Variants in PTPRD observed in about 807,000 individuals in gnomAD.
PTPRD encodes the protein receptor-type tyrosine-protein phosphatase delta.
Under a neutral mutation model 214.5 loss-of-function variants are expected in PTPRD, and 34 were observed. The ratio of observed to expected loss-of-function variants is 0.16; its 90% CI spans 0.12 to 0.21. The LOEUF (loss-of-function observed/expected upper bound fraction) is 0.21, where lower values mean the gene tolerates loss of function less well. PTPRD is among the 10% of genes least tolerant of loss of function. The pLI is 1.00. For synonymous variants in PTPRD, 1,128 were observed against 845.7 expected (o/e 1.33, Z -5.79); for missense variants, 2,545 against 2,398.7 (o/e 1.06, Z -1.27).
intron 11 of PTPRD, among the ~76,000 whole-genome samples, chr9:8,832,332 T>C (rs1380861243): frequency 6.6e-6 from 1 of 150,562 alleles, no homozygotes; most frequent in Admixed American, 6.6e-5. Flanking sequence ...TGACAGTGGG[T>C]AACAGTGTAT....
chr9:10,229,043 A>G (rs12000398), intron 3 of PTPRD, among the ~76,000 whole-genome samples: 20,185 of 151,920 alleles, frequency 0.13, 1,411 homozygotes, highest in African/African-American at 0.14. Context: ...AACAACAACC[A>G]GTTGTAAGCA....
chr9:8,908,870 C>G (rs2098726800), intron 11 of PTPRD, among the ~76,000 whole-genome samples: 1 of 151,066 alleles, frequency 6.6e-6, no homozygotes, highest in African/African-American at 2.4e-5. Context: ...CTAAAATCAA[C>G]TACAGAAAGA....
chr9:9,734,134 A>C (rs1381865551), intron 7 of PTPRD, among the ~76,000 whole-genome samples: 1 of 152,084 alleles, frequency 6.6e-6, no homozygotes, highest in African/African-American at 2.4e-5. Context: ...TTAAACACCC[A>C]ATTTTTGTGT....
intron 9 of PTPRD, among the ~76,000 whole-genome samples, chr9:9,202,862 C>CT (rs2132374637): frequency 6.6e-6 from 1 of 152,244 alleles, no homozygotes; most frequent in East Asian, 1.9e-4. Context: ...TCTAACTGTT[C>CT]TTTAGTCCGC....
chr9:8,499,705 T>C lies in PTPRD; in HGVS notation c.2264A>G (p.Glu755Gly), dbSNP rs1352576127. The C allele has an allele frequency of 6.2e-7, 1 of 1,614,012 alleles. No homozygotes were observed. Among genetic ancestry groups the C allele is most frequent in the Non-Finnish European group, 8.5e-7 (1 of 1,179,996 alleles). Reference sequence around the variant, plus strand: ...GGGCTGGCCCTTGGGCTCACCATTTTCCATCCTCACATAATGCACCTGATA... The same window carrying C: ...GGGCTGGCCCTTGGGCTCACCATTTCCCATCCTCACATAATGCACCTGATA... ...RGYQVHYVRM[E>G]NGEPKGQPML... The change falls in exon 25 of 46, where the codon GAA (glutamate) becomes GGA (glycine). Residue 755 changes from glutamate to glycine, a missense_variant. By Grantham distance (98) the Glu-to-Gly change is moderately conservative. Transcript: ENST00000381196.
At chr9:10,328,564 G>A (rs966078679) in intron 3 of PTPRD, among the ~76,000 whole-genome samples, 13 of 151,864 alleles carry the variant, frequency 8.6e-5, no homozygotes, top group Non-Finnish European at 1.3e-4. Context: ...TCCAGAAATC[G>A]ATTCAACATA....
chr9:8,554,025 A>G (rs1402458159), intron 14 of PTPRD, among the ~76,000 whole-genome samples: 1 of 152,130 alleles, frequency 6.6e-6, no homozygotes, highest in African/African-American at 2.4e-5. Flanking sequence ...TCTCTCTACT[A>G]AAGATACAAA....
At chr9:8,935,570 C>A (rs569549917) in intron 11 of PTPRD, among the ~76,000 whole-genome samples, 1 of 152,032 alleles carries the variant, frequency 6.6e-6, no homozygotes, top group Non-Finnish European at 1.5e-5. Context: ...AAATAGATCC[C>A]GAGGAAGCCT....
At chr9:8,679,175 G>A (rs558605226) in intron 12 of PTPRD, among the ~76,000 whole-genome samples, 3 of 152,282 alleles carry the variant, frequency 2.0e-5, no homozygotes, top group South Asian at 4.1e-4. Flanking sequence ...GCTTCCTACT[G>A]AATTTCTGGA....
At position 9,906,087 on chromosome 9, in the gene PTPRD, G is replaced by A. The variant is rs374321121; in HGVS notation, c.-368+32420C>T. ...AATAGAAAAAATACAGGATGCCTGC[G>A]AGGCAAACTCCTGGAGTTTTGTGCA... On this transcript the variant is annotated intron_variant, in intron 5 of 45. Coordinates refer to ENST00000381196, the MANE Select transcript of PTPRD (RefSeq NM_002839.4). Among the ~76,000 whole-genome samples, 41 of 152,066 alleles carry A rather than the reference G, an allele frequency of 2.7e-4. 1 individual carries two copies. In the South Asian group the frequency reaches 6.6e-3, roughly 25 times the overall value.
chr9:8,428,261 G>A (rs1326464381), intron 35 of PTPRD, among the ~76,000 whole-genome samples: 3 of 152,122 alleles, frequency 2.0e-5, no homozygotes, highest in Admixed American at 6.6e-5. Context: ...TGTTCGTAAG[G>A]AATTGGGCAA....
intron 10 of PTPRD, among the ~76,000 whole-genome samples, chr9:9,121,532 G>T (rs930373734): frequency 6.6e-6 from 1 of 152,162 alleles, no homozygotes; most frequent in Non-Finnish European, 1.5e-5. Context: ...TGACCTGGAT[G>T]AGTTTAGAGA....
At chr9:9,454,663 G>A (rs1443960864) in intron 8 of PTPRD, among the ~76,000 whole-genome samples, 3 of 151,574 alleles carry the variant, frequency 2.0e-5, no homozygotes, top group Non-Finnish European at 3.0e-5. Flanking sequence ...AACTGTAACT[G>A]TAAATTACAT....
rs2132389513 is a variant in PTPRD, at chr9:8,340,609, TTAAA to T, written c.5127-144_5127-141del. 4 of 841,882 alleles carry T rather than the reference TTAAA, an allele frequency of 4.8e-6. No homozygotes were observed. In the South Asian group the frequency reaches 1.6e-4, roughly 33 times the overall value. The allele number at this position is 841,882 out of a possible 1,614,324, so 52.2% of individuals were successfully genotyped here. ...CAATTGAGGTAAATTCCTGCTAAGATTAAATAATCAAATAAGAGCATTTAATACA... is the reference window on the plus strand; with the variant it reads ...CAATTGAGGTAAATTCCTGCTAAGATTAATCAAATAAGAGCATTTAATACA... On this transcript the variant is annotated intron_variant, in intron 41 of 45. Transcript: ENST00000381196.
chr9:10,100,380 C>T (rs760932721), intron 3 of PTPRD, among the ~76,000 whole-genome samples: 11 of 151,614 alleles, frequency 7.3e-5, no homozygotes, highest in Non-Finnish European at 1.3e-4. Context: ...GGAATTTGAA[C>T]CAAAGCAGTC....
At chr9:9,595,969 TA>T (rs1411566074) in intron 7 of PTPRD, among the ~76,000 whole-genome samples, 1 of 151,952 alleles carries the variant, frequency 6.6e-6, no homozygotes, top group Non-Finnish European at 1.5e-5. Context: ...AAAAATAAAT[TA>T]AATATTCCTA....
intron 7 of PTPRD, among the ~76,000 whole-genome samples, chr9:9,628,173 A>AT (rs1192541767): frequency 3.9e-5 from 6 of 152,064 alleles, no homozygotes; most frequent in Non-Finnish European, 8.8e-5. Flanking sequence ...AGCTGACACT[A>AT]TTTCTTAATT....
Position 8,456,318 on chromosome 9 carries a change from G to A in PTPRD, c.3875+4093C>T, listed in dbSNP as rs565719587. Among the ~76,000 whole-genome samples the A allele has an allele frequency of 9.9e-5, 15 of 152,190 alleles. No homozygotes were observed. The South Asian group carries it at 1.7e-3, about 17-fold the overall frequency. On this transcript the variant is annotated intron_variant, in intron 33 of 45. Transcript: ENST00000381196. ...AGGAAAAGTGATCCTAAAGCAGCCCGAACTGCTAGAGAGGGGAGGAGAAGA... is the reference window on the plus strand; with the variant it reads ...AGGAAAAGTGATCCTAAAGCAGCCCAAACTGCTAGAGAGGGGAGGAGAAGA...
At chr9:10,200,184 TAATGCTAATTAACAAAGAGACC>T (rs879400588) in intron 3 of PTPRD, among the ~76,000 whole-genome samples, 157 of 152,210 alleles carry the variant, frequency 1.0e-3, no homozygotes, top group Admixed American at 2.6e-3. Context: ...CTCTTTGACA[TAATGCTAATTAACAAAGAGACC>T]AAGAAAAATT....
Sources: gnomAD v4.1 joint callset for allele counts (sites outside exome capture counted in the v4.1 genomes callset) on GRCh38, gnomAD v4.1.1 for gene constraint, MANE v1.5 for transcripts, NCBI Gene and HGNC (gene_info 2026-07-23, HGNC 2026-07-21) for gene names.